SNX29: variants seen among roughly 807,000 people sequenced by gnomAD.
SNX29 encodes the protein sorting nexin 29.
In SNX29, 78 loss-of-function variants were observed where a neutral mutation model predicts 102.1. The observed-to-expected ratio is 0.76, with a 90% CI of 0.64 to 0.92. The LOEUF (loss-of-function observed/expected upper bound fraction) is 0.92, where lower values mean the gene tolerates loss of function less well. Among genes scored for constraint, SNX29 ranks in the 40% least tolerant of loss-of-function variants. The probability of loss-of-function intolerance (pLI) is 0.00; values close to 1 mark genes in which losing one functional copy is unlikely to be tolerated. For missense variants in SNX29, 1,280 were observed against 1,061.7 expected, an observed-to-expected ratio of 1.21 and a Z score of -2.86; for synonymous variants, 580 against 414.5, an observed-to-expected ratio of 1.40 and a Z score of -4.85.
At position 12,573,373 on chromosome 16, in the gene SNX29, G is replaced by T; in HGVS notation, c.*4744G>T. On this transcript the variant is annotated 3_prime_UTR_variant, in exon 21 of 21. Coordinates refer to ENST00000566228, the MANE Select transcript of SNX29 (RefSeq NM_032167.5). ...ACTTCTAAATCCCAGCAACCAAGTT[G>T]CGTATCCTTCCTTATAGCTAGTTTC... 8.9e-6 allele frequency: 2 copies of T among 224,670 alleles called. No individual in the cohort carries two copies. Among genetic ancestry groups the T allele is most frequent in the Non-Finnish European group, 1.8e-5 (2 of 112,698 alleles). The allele number at this position is 224,670 out of a possible 1,614,324, so 13.9% of individuals were successfully genotyped here. A position where few individuals can be genotyped will look rare whatever the true frequency, so the allele number is the denominator to read the frequency against.
intron 9 of SNX29, 62 bp from the exon 10 acceptor site, chr16:12,068,995 G>C: frequency 6.6e-7 from 1 of 1,515,718 alleles, no homozygotes; most frequent in South Asian, 1.1e-5. Flanking sequence ...TTGTGTCTTT[G>C]TCTTATGGAG....
chr16:12,325,514 G>A (rs1242960619), intron 15 of SNX29, among the ~76,000 whole-genome samples: 1 of 152,158 alleles, frequency 6.6e-6, no homozygotes, highest in Admixed American at 6.5e-5. Context: ...ATAAAAGCAA[G>A]AACTCATTGC....
chr16:12,227,528 C>G (rs1370019407), intron 14 of SNX29, among the ~76,000 whole-genome samples: 1 of 152,158 alleles, frequency 6.6e-6, no homozygotes, highest in Non-Finnish European at 1.5e-5. Context: ...TTTTCTGTGT[C>G]AGGCCCTGGG....
chr16:12,461,978 A>ATATATATATAT (rs869301507), intron 18 of SNX29, among the ~76,000 whole-genome samples: 2 of 27,348 alleles, frequency 7.3e-5, no homozygotes, highest in African/African-American at 1.4e-4. Flanking sequence ...AAAAAAAAAA[A>ATATATATATAT]ATATATATAT....
At chr16:12,046,090 C>G (rs541108593) in intron 5 of SNX29, among the ~76,000 whole-genome samples, 1 of 152,332 alleles carries the variant, frequency 6.6e-6, no homozygotes, top group East Asian at 1.9e-4. Flanking sequence ...AGTCACCCAC[C>G]TGACAGCTCC....
intron 14 of SNX29, among the ~76,000 whole-genome samples, chr16:12,227,771 G>C (rs1456860411): frequency 2.0e-5 from 3 of 151,898 alleles, no homozygotes; most frequent in Admixed American, 6.6e-5. Flanking sequence ...ATGGTGGCTC[G>C]TGCTTGTAAT....
intron 19 of SNX29, among the ~76,000 whole-genome samples, chr16:12,510,563 C>T (rs900273045): frequency 2.6e-5 from 4 of 152,096 alleles, no homozygotes; most frequent in African/African-American, 9.7e-5. Context: ...GTCCCAGCTA[C>T]TTGGGAGGTT....
chr16:12,568,037 G>C (rs948597299), intron 20 of SNX29, among the ~76,000 whole-genome samples: 1 of 152,130 alleles, frequency 6.6e-6, no homozygotes, highest in Non-Finnish European at 1.5e-5. Flanking sequence ...CTAGCCCCTA[G>C]CCTAGGGCCT....
chr16:12,243,811 G>A (rs558755730), intron 14 of SNX29, among the ~76,000 whole-genome samples: 1 of 152,296 alleles, frequency 6.6e-6, no homozygotes, highest in East Asian at 1.9e-4. Flanking sequence ...GCACCTCCTG[G>A]TGCACCTGCA....
At chr16:12,552,218 C>T (rs1477082994) in intron 20 of SNX29, among the ~76,000 whole-genome samples, 1 of 152,008 alleles carries the variant, frequency 6.6e-6, no homozygotes, top group Non-Finnish European at 1.5e-5. Context: ...GCCGTGGAGT[C>T]AGACATCCAG....
rs924360903 is a variant in SNX29, at chr16:12,571,606, G to A, written c.*2977G>A. 1.1e-5 allele frequency: 12 copies of A among 1,060,350 alleles called. No homozygotes were observed. Among genetic ancestry groups the A allele is most frequent in the East Asian group, 5.1e-5 (1 of 19,556 alleles). 65.7% of individuals were successfully genotyped at this position (1,060,350 alleles called of 1,614,324 possible). A position where few individuals can be genotyped will look rare whatever the true frequency, so the allele number is the denominator to read the frequency against. Reference sequence around the variant, plus strand: ...CTGCTGTGCTGAAACAGAACAGCAGGTTCCATCTTTCACATCTTTTTTTCT... The same window carrying A: ...CTGCTGTGCTGAAACAGAACAGCAGATTCCATCTTTCACATCTTTTTTTCT... On this transcript the variant is annotated 3_prime_UTR_variant, in exon 21 of 21. Transcript: ENST00000566228.
chr16:12,371,175 G>T (rs903970959), intron 16 of SNX29, among the ~76,000 whole-genome samples: 2 of 152,196 alleles, frequency 1.3e-5, no homozygotes, highest in Non-Finnish European at 2.9e-5. Flanking sequence ...AGGCGTTGGG[G>T]ATCAGCCAAG....
chr16:12,393,102 G>A (rs1486327802), intron 16 of SNX29, among the ~76,000 whole-genome samples: 2 of 152,208 alleles, frequency 1.3e-5, no homozygotes, highest in Non-Finnish European at 2.9e-5. Context: ...TTTGAAAATA[G>A]GGATGAGTGA....
intron 1 of SNX29, among the ~76,000 whole-genome samples, chr16:11,993,884 G>A (rs112471546): frequency 0.071 from 10,767 of 152,238 alleles, 587 homozygotes; most frequent in East Asian, 0.24. Context: ...ACTTTGGAAG[G>A]CCAAGGCAGG....
chr16:12,029,213 A>T (rs1349270417), intron 4 of SNX29, among the ~76,000 whole-genome samples: 1 of 151,950 alleles, frequency 6.6e-6, no homozygotes, highest in East Asian at 1.9e-4. Context: ...TCATTTGTAG[A>T]AATGAGTTGT....
chr16:12,495,144 C>G (rs2088754539), intron 19 of SNX29, among the ~76,000 whole-genome samples: 1 of 152,074 alleles, frequency 6.6e-6, no homozygotes, highest in African/African-American at 2.4e-5. Context: ...GTCTCAATGG[C>G]AATTCTTTCG....
In SNX29 at chr16:12,207,391, A is replaced by G. The variant is rs571973684; in HGVS notation, c.1678+7708A>G. 9.2e-5 allele frequency among the ~76,000 whole-genome samples: 14 copies of G among 152,302 alleles called. No individual in the cohort carries two copies. The East Asian group carries it at 2.7e-3, about 29-fold the overall frequency. On this transcript the variant is annotated intron_variant, in intron 14 of 20. Transcript: ENST00000566228. Reference sequence around the variant, plus strand: ...CAAAAAATAAAATAAAATAAAAAACAAAAACCAGGGAGGCTCAATGGGAGC... The same window carrying G: ...CAAAAAATAAAATAAAATAAAAAACGAAAACCAGGGAGGCTCAATGGGAGC...
intron 14 of SNX29, among the ~76,000 whole-genome samples, chr16:12,203,062 G>T (rs1470642555): frequency 6.6e-6 from 1 of 151,288 alleles, no homozygotes; most frequent in African/African-American, 2.5e-5. Context: ...TGGACTGGTG[G>T]CATTGGAGGT....
chr16:12,084,940 C>T (rs2457193), intron 11 of SNX29, among the ~76,000 whole-genome samples: 43,951 of 151,734 alleles, frequency 0.29, 6,615 homozygotes, highest in South Asian at 0.38. Flanking sequence ...TATGGTGGTG[C>T]GTACCTGTAT....
Sources: gnomAD v4.1 joint callset for allele counts (sites outside exome capture counted in the v4.1 genomes callset) on GRCh38, gnomAD v4.1.1 for gene constraint, MANE v1.5 for transcripts, NCBI Gene and HGNC (gene_info 2026-07-23, HGNC 2026-07-21) for gene names.